EPHB1: variants seen among roughly 807,000 people sequenced by gnomAD.
The protein encoded by EPHB1 is ephrin type-B receptor 1.
A neutral mutation model predicts 94.4 loss-of-function variants in EPHB1; 30 were observed. That is an observed-to-expected ratio of 0.32 (90% CI 0.24 to 0.43). The LOEUF (loss-of-function observed/expected upper bound fraction) is 0.43, where lower values mean the gene tolerates loss of function less well. Ranked by LOEUF, EPHB1 falls within the 20% of genes least tolerant of loss-of-function variation. The probability of loss-of-function intolerance (pLI) is 1.00; values close to 1 mark genes in which losing one functional copy is unlikely to be tolerated. For synonymous variants in EPHB1, 522 were observed against 489.1 expected, an observed-to-expected ratio of 1.07 and a Z score of -0.89; for missense variants, 1,055 against 1,308.3, an observed-to-expected ratio of 0.81 and a Z score of 2.99.
chr3:135,215,180 T>TTC (rs1943118653), intron 12 of EPHB1, among the ~76,000 whole-genome samples: 1 of 151,888 alleles, frequency 6.6e-6, no homozygotes, highest in South Asian at 2.1e-4. Flanking sequence ...TTTTTTTTTT[T>TTC]AAGACAGAGT....
At chr3:134,800,706 G>C (rs1166449607) in intron 1 of EPHB1, among the ~76,000 whole-genome samples, 1 of 152,176 alleles carries the variant, frequency 6.6e-6, no homozygotes, top group Non-Finnish European at 1.5e-5. Flanking sequence ...AATCAGAATG[G>C]CCTGGGGATC....
At chr3:134,844,396 G>T (rs1187426975) in intron 1 of EPHB1, among the ~76,000 whole-genome samples, 2 of 152,168 alleles carry the variant, frequency 1.3e-5, no homozygotes, top group African/African-American at 4.8e-5. Context: ...TAGCCTTAGG[G>T]CTGGCCAGGA....
intron 1 of EPHB1, among the ~76,000 whole-genome samples, chr3:134,909,549 A>G (rs548732889): frequency 2.0e-5 from 3 of 152,254 alleles, no homozygotes; most frequent in African/African-American, 4.8e-5. Context: ...AGGCAGTGCT[A>G]TGAATGAGCA....
chr3:134,931,286 T>C (rs66569551), intron 2 of EPHB1, among the ~76,000 whole-genome samples: 12,001 of 152,286 alleles, frequency 0.079, 519 homozygotes, highest in African/African-American at 0.1. Flanking sequence ...TGTGATGGAT[T>C]AGAAAGGCAA....
rs115191049 is a variant in EPHB1 at position 134,914,685 on chromosome 3, G to A, written c.59-11131G>A. ...TGGCACAGTAGAAAGAGGTGATTGA[G>A]GGGAGATTAATGAAGTTCTGTTTAC... On this transcript the variant is annotated intron_variant, in intron 1 of 15. Transcript: ENST00000398015. Among the ~76,000 whole-genome samples, 203 of 152,302 alleles carry A rather than the reference G, an allele frequency of 1.3e-3. 1 individual carries two copies. The highest frequency in any genetic ancestry group is 3.0e-3 in the African/African-American group (125 of 41,560).
chr3:134,927,609 A>G (rs1041126526), intron 2 of EPHB1, among the ~76,000 whole-genome samples: 2 of 152,240 alleles, frequency 1.3e-5, no homozygotes, highest in Non-Finnish European at 2.9e-5. Context: ...CAAGGCCCCA[A>G]CATAATTTAT....
At chr3:134,971,151 A>G (rs922963511) in intron 3 of EPHB1, among the ~76,000 whole-genome samples, 13 of 152,224 alleles carry the variant, frequency 8.5e-5, no homozygotes, top group Admixed American at 5.2e-4. Flanking sequence ...AACTCCAACA[A>G]TGAGGCTTAA....
chr3:134,834,693 A>G (rs35223707), intron 1 of EPHB1, among the ~76,000 whole-genome samples: 48,196 of 152,012 alleles, frequency 0.32, 8,763 homozygotes, highest in South Asian at 0.5. Flanking sequence ...CTTGTAATCC[A>G]TAAGTTGAGG....
intron 1 of EPHB1, among the ~76,000 whole-genome samples, chr3:134,858,534 T>A (rs1454315161): frequency 6.6e-6 from 1 of 152,100 alleles, no homozygotes; most frequent in African/African-American, 2.4e-5. Flanking sequence ...TGATTTAAAA[T>A]CTGTTTCCAT....
At chr3:135,189,376 G>A (rs560109520) in intron 10 of EPHB1, among the ~76,000 whole-genome samples, 1 of 152,194 alleles carries the variant, frequency 6.6e-6, no homozygotes, top group South Asian at 2.1e-4. Context: ...AGCCTGAGCG[G>A]CATGTCAGTA....
At chr3:134,867,616 A>G (rs1227680811) in intron 1 of EPHB1, among the ~76,000 whole-genome samples, 2 of 152,218 alleles carry the variant, frequency 1.3e-5, no homozygotes, top group African/African-American at 4.8e-5. Flanking sequence ...AAGAAGACAG[A>G]CATGACTCCA....
chr3:135,037,780 T>A (rs1283156090), intron 3 of EPHB1, among the ~76,000 whole-genome samples: 2 of 152,252 alleles, frequency 1.3e-5, no homozygotes, highest in Admixed American at 1.3e-4. Context: ...GGAGGTTTCA[T>A]GATTTCTGCA....
chr3:134,951,270 G>T lies in EPHB1; in HGVS notation c.124-101G>T. The stretch of plus-strand genomic sequence containing the variant: ...TCTGCTGGACTGGTGAGCTCTTAAG[G>T]CCCCTTAGCCCCAGGATTCTCCTCT... On this transcript the variant is annotated intron_variant, in intron 2 of 15. Transcript: ENST00000398015. The surrounding 1 kb of genome is among the most constrained non-coding windows in gnomAD (Gnocchi z 4.5). 9.5e-7 allele frequency: 1 copy of T among 1,058,048 alleles called. No individual in the cohort carries two copies. The allele number at this position is 1,058,048 out of a possible 1,614,324, so 65.5% of individuals were successfully genotyped here.
chr3:135,027,991 G>T (rs1231470439), intron 3 of EPHB1, among the ~76,000 whole-genome samples: 3 of 145,772 alleles, frequency 2.1e-5, no homozygotes, highest in African/African-American at 7.4e-5. Flanking sequence ...ATTTCTTCTA[G>T]ATTTTCTAGT....
At chr3:135,222,843 G>A (rs1341487420) in intron 12 of EPHB1, among the ~76,000 whole-genome samples, 1 of 152,126 alleles carries the variant, frequency 6.6e-6, no homozygotes, top group East Asian at 1.9e-4. Context: ...GGGTACAAAT[G>A]CAAATTATAA....
intron 4 of EPHB1, among the ~76,000 whole-genome samples, chr3:135,127,248 G>C (rs117026573): frequency 2.0e-4 from 30 of 152,196 alleles, no homozygotes; most frequent in Non-Finnish European, 3.4e-4. Context: ...GTTGCAACAC[G>C]TGTTCACTTT....
At chr3:135,255,113 A>G (rs1210214041) in intron 15 of EPHB1, among the ~76,000 whole-genome samples, 1 of 150,734 alleles carries the variant, frequency 6.6e-6, no homozygotes, top group African/African-American at 2.4e-5. Flanking sequence ...CTCTTTTTTT[A>G]TTAGTCTTGC....
chr3:134,877,513 A>G (rs1560278311), intron 1 of EPHB1, among the ~76,000 whole-genome samples: 2 of 152,276 alleles, frequency 1.3e-5, no homozygotes, highest in East Asian at 3.9e-4. Context: ...TTTGCTGAAC[A>G]TACCCATGAC....
intron 3 of EPHB1, among the ~76,000 whole-genome samples, chr3:134,975,726 G>GC (rs1553717184): frequency 6.7e-6 from 1 of 149,106 alleles, no homozygotes; most frequent in African/African-American, 2.5e-5. Flanking sequence ...GAAGAACAGT[G>GC]TTTTTTTTTT....
Sources: gnomAD v4.1 joint callset for allele counts (sites outside exome capture counted in the v4.1 genomes callset) on GRCh38, gnomAD v4.1.1 for gene constraint, Gnocchi (gnomAD v3.1) non-coding constraint, MANE v1.5 for transcripts, NCBI Gene and HGNC (gene_info 2026-07-23, HGNC 2026-07-21) for gene names.